Variants in THOP1 observed in about 807,000 individuals in gnomAD.
THOP1 encodes thimet oligopeptidase 1.
In THOP1, 49 loss-of-function variants were observed where a neutral mutation model predicts 71.8. That is an observed-to-expected ratio of 0.68 (90% CI 0.54 to 0.87). The LOEUF (loss-of-function observed/expected upper bound fraction) is 0.87, where lower values mean the gene tolerates loss of function less well. Among genes scored for constraint, THOP1 ranks in the 40% least tolerant of loss-of-function variants. The probability of loss-of-function intolerance (pLI) is 0.00; values close to 1 mark genes in which losing one functional copy is unlikely to be tolerated. For missense variants in THOP1, 843 were observed against 975.6 expected, an observed-to-expected ratio of 0.86 and a Z score of 1.81; for synonymous variants, 426 against 421.5, an observed-to-expected ratio of 1.01 and a Z score of -0.13.
chr19:2,799,428 G>A (rs1220652740), intron 4 of THOP1, among the ~76,000 whole-genome samples: 2 of 152,338 alleles, frequency 1.3e-5, no homozygotes, highest in East Asian at 3.9e-4. Flanking sequence ...ACAGACCGGA[G>A]CACATCCCTG....
intron 1 of THOP1, among the ~76,000 whole-genome samples, chr19:2,789,622 C>A (rs2144756767): frequency 6.6e-6 from 1 of 152,326 alleles, no homozygotes; most frequent in Admixed American, 6.5e-5. Flanking sequence ...CCCCCCGATA[C>A]CTCACCTTTC....
In THOP1 at chr19:2,808,458, CGGGCAG is replaced by C. The variant is rs369163630; in HGVS notation, c.1455+43_1455+48del. 0.022 allele frequency: 34,049 copies of C among 1,576,794 alleles called. 1,715 individuals are homozygous for C. Among genetic ancestry groups the C allele is most frequent in the East Asian group, 0.15 (6,599 of 42,886 alleles). On this transcript the variant is annotated intron_variant, in intron 9 of 12. Coordinates refer to ENST00000307741, the MANE Select transcript of THOP1 (RefSeq NM_003249.5). ...CTCTGCTCCCAGGTGGGTGCGGGCC[CGGGCAG>C]GGGCAGGGGCAGGGGCAGGGGCAGG...
At chr19:2,788,807 C>T (rs1915809314) in intron 1 of THOP1, among the ~76,000 whole-genome samples, 1 of 152,096 alleles carries the variant, frequency 6.6e-6, no homozygotes, top group Non-Finnish European at 1.5e-5. Context: ...GTCGCCTAGG[C>T]TAGAGTGCAG....
chr19:2,792,019 C>T (rs1208951658), intron 2 of THOP1, among the ~76,000 whole-genome samples: 1 of 152,230 alleles, frequency 6.6e-6, no homozygotes, highest in African/African-American at 2.4e-5. Flanking sequence ...TCTCTGATCA[C>T]AGATTAAGTC....
Position 2,794,808 on chromosome 19 carries a change from A to G in THOP1, c.274A>G (p.Lys92Glu). Residue 92 changes from lysine to glutamate, a missense_variant, in exon 3 of 13, where the codon AAG (lysine) becomes GAG (glutamate). Lys to Glu is a moderately conservative substitution (Grantham distance 56, BLOSUM62 1). Coordinates refer to ENST00000307741, the MANE Select transcript of THOP1 (RefSeq NM_003249.5). ...CTTCCCCCAGCATGTTTCCCCCTCCAAGGACATCCGGACAGCCAGCACAGA... is the reference window on the plus strand; with the variant it reads ...CTTCCCCCAGCATGTTTCCCCCTCCGAGGACATCCGGACAGCCAGCACAGA... Reference protein sequence around the residue: ...LDFPQHVSPSKDIRTASTEAD... With the variant: ...LDFPQHVSPSEDIRTASTEAD... 6.2e-7 allele frequency: 1 copy of G among 1,613,814 alleles called. No individual in the cohort carries two copies. The highest frequency in any genetic ancestry group is 8.5e-7 in the Non-Finnish European group (1 of 1,179,880).
In THOP1 at chr19:2,807,859, C is replaced by T. The variant is rs537752549; in HGVS notation, c.1253+51C>T. Reference sequence around the variant, plus strand: ...GGCGCACCCCGGCCCTGGGTCTCCTCGGAGCCCGGTGTGCCCGTCTGAGAT... The same window carrying T: ...GGCGCACCCCGGCCCTGGGTCTCCTTGGAGCCCGGTGTGCCCGTCTGAGAT... On this transcript the variant is annotated intron_variant, in intron 8 of 12. Coordinates refer to ENST00000307741, the MANE Select transcript of THOP1 (RefSeq NM_003249.5). The T allele has an allele frequency of 4.7e-5, 67 of 1,420,654 alleles. 1 individual carries two copies. The highest frequency in any genetic ancestry group is 3.9e-4 in the South Asian group (26 of 66,612). The allele number at this position is 1,420,654 out of a possible 1,614,324, so 88.0% of individuals were successfully genotyped here.
Position 2,790,439 on chromosome 19 carries a change from C to T in THOP1, c.35C>T (p.Ala12Val), listed in dbSNP as rs201171031. Residue 12 changes from alanine (A) to valine (V), a missense_variant, in exon 2 of 13, where the codon GCG (alanine) becomes GTG (valine). By Grantham distance (64) the Ala-to-Val change is moderately conservative (BLOSUM62 0). Transcript: ENST00000307741. ...TGCGTAGCCTGTGCAGGAGACATGGCGGACGCAGCATCTCCGTGCTCTGTG... is the reference window on the plus strand; with the variant it reads ...TGCGTAGCCTGTGCAGGAGACATGGTGGACGCAGCATCTCCGTGCTCTGTG... Reference protein sequence around the residue: ...KPPAACAGDMADAASPCSVVN... With the variant: ...KPPAACAGDMVDAASPCSVVN... 8.1e-5 allele frequency: 126 copies of T among 1,564,350 alleles called. 1 individual carries two copies. The Admixed American group carries it at 9.7e-4, about 12-fold the overall frequency.
Position 2,810,769 on chromosome 19 carries a change from G to A in THOP1, c.1771+1G>A. On this transcript the variant is annotated splice_donor_variant, in intron 11 of 12. Coordinates refer to ENST00000307741, the MANE Select transcript of THOP1 (RefSeq NM_003249.5). LOFTEE classifies it high-confidence loss of function. The stretch of plus-strand genomic sequence containing the variant: ...ATCCTCGGGGTCCCGGCCACGCCAG[G>A]TAGCCACCCTTGAGCCGGGCACACC... 1.9e-6 allele frequency: 3 copies of A among 1,602,584 alleles called. No homozygotes were observed. In the South Asian group the frequency reaches 3.3e-5, roughly 18 times the overall value.
rs768556419 is a variant in THOP1 at position 2,813,244 on chromosome 19, G to A, written c.2038G>A (p.Gly680Arg). ...AFLLSKGLQV[G>R]GCEPEPQVC The stretch of plus-strand genomic sequence containing the variant: ...CCTCCTGAGCAAGGGGCTGCAGGTC[G>A]GGGGCTGCGAGCCCGAGCCGCAGGT... Residue 680 changes from glycine (G) to arginine (R), a missense_variant, in exon 13 of 13, where the codon GGG becomes AGG. By Grantham distance (125) the Gly-to-Arg change is moderately radical. Transcript: ENST00000307741. 18 of 1,610,836 alleles carry A rather than the reference G, an allele frequency of 1.1e-5. No individual in the cohort carries two copies. The African/African-American group carries it at 1.3e-4, about 12-fold the overall frequency.
chr19:2,813,351 G>T lies in THOP1; in HGVS notation c.*75G>T. On this transcript the variant is annotated 3_prime_UTR_variant, in exon 13 of 13. Coordinates refer to ENST00000307741, the MANE Select transcript of THOP1 (RefSeq NM_003249.5). The stretch of plus-strand genomic sequence containing the variant: ...TGCCTTAGCCCCCGGCACAGGATGG[G>T]GCAGGCTCTGGCACAGTGCCTGGGA... 1 of 1,462,230 alleles carries T rather than the reference G, an allele frequency of 6.8e-7. No individual in the cohort carries two copies. The highest frequency in any genetic ancestry group is 2.3e-5 in the Admixed American group (1 of 44,418). 90.6% of individuals were successfully genotyped at this position (1,462,230 alleles called of 1,614,324 possible). A position where few individuals can be genotyped will look rare whatever the true frequency, so the allele number is the denominator to read the frequency against.
rs142445812 is a variant in THOP1 at position 2,806,479 on chromosome 19, G to A, written c.751-438G>A. The A allele has an allele frequency of 2.3e-4, 50 of 214,670 alleles. No homozygotes were observed. In the Middle Eastern group the frequency reaches 8.3e-3, roughly 35 times the overall value. The allele number at this position is 214,670 out of a possible 1,614,324, so 13.3% of individuals were successfully genotyped here. On this transcript the variant is annotated intron_variant, in intron 6 of 12. Coordinates refer to ENST00000307741, the MANE Select transcript of THOP1 (RefSeq NM_003249.5). ...TTTCTCCTCGTAAACGCCTCACGTG[G>A]CTTTCATGCGTCCTCCCCCACCCCC...
chr19:2,793,863 G>A (rs983878403), intron 2 of THOP1, among the ~76,000 whole-genome samples: 1 of 152,138 alleles, frequency 6.6e-6, no homozygotes, highest in Non-Finnish European at 1.5e-5. Flanking sequence ...CCATTCACTC[G>A]TGGATGGACC....
chr19:2,788,090 A>G (rs1248452110), intron 1 of THOP1, among the ~76,000 whole-genome samples: 2 of 152,222 alleles, frequency 1.3e-5, no homozygotes, highest in African/African-American at 2.4e-5. Context: ...ATGGTCTGTA[A>G]TAACAGCTAC....
chr19:2,814,012 C>T lies in THOP1; in HGVS notation c.*736C>T, dbSNP rs1254483178. Reference sequence around the variant, plus strand: ...GGAAGGCCGGGCTCACTCCAGCTTCCTAGGCAGAGTCTCTGGGGGTTCCTG... The same window carrying T: ...GGAAGGCCGGGCTCACTCCAGCTTCTTAGGCAGAGTCTCTGGGGGTTCCTG... On this transcript the variant is annotated 3_prime_UTR_variant, in exon 13 of 13. Transcript: ENST00000307741. The T allele has an allele frequency of 1.3e-5, 2 of 152,326 alleles. No individual in the cohort carries two copies. Among genetic ancestry groups the T allele is most frequent in the African/African-American group, 4.8e-5 (2 of 41,454 alleles). 9.4% of individuals were successfully genotyped at this position (152,326 alleles called of 1,614,324 possible).
intron 1 of THOP1, 107 bp from the exon 2 acceptor site, chr19:2,790,314 T>G (rs1915844909): frequency 1.8e-6 from 2 of 1,107,628 alleles, no homozygotes; most frequent in Non-Finnish European, 2.5e-6. Flanking sequence ...ACCTCACTCT[T>G]CTGGATGAGA....
In THOP1 at chr19:2,796,139, T is replaced by G. The variant is rs770807854; in HGVS notation, c.437T>G (p.Ile146Ser). The G allele has an allele frequency of 6.2e-7, 1 of 1,613,776 alleles. No individual in the cohort carries two copies. The highest frequency in any genetic ancestry group is 2.2e-5 in the East Asian group (1 of 44,878). Residue 146 changes from isoleucine (I) to serine (S), a missense_variant, in exon 4 of 13, where the codon ATC becomes AGC. By Grantham distance (142) the Ile-to-Ser change is moderately radical. Coordinates refer to ENST00000307741, the MANE Select transcript of THOP1 (RefSeq NM_003249.5). ...PEAARYLERL[I>S]KLGRRNGLHL... ...GCTGCGCGGTACCTGGAGCGGCTAATCAAGCTGGGCCGGAGAAATGGGCTT... is the reference window on the plus strand; with the variant it reads ...GCTGCGCGGTACCTGGAGCGGCTAAGCAAGCTGGGCCGGAGAAATGGGCTT...
chr19:2,812,186 C>T (rs1440730505), intron 12 of THOP1: 15 of 1,496,764 alleles, frequency 1.0e-5, no homozygotes, highest in Middle Eastern at 1.7e-4. Flanking sequence ...TCATTTGCTC[C>T]TCCAACCTCC....
At chr19:2,794,937 A>G (rs1915977999) in intron 3 of THOP1, 25 bp downstream of exon 3, 1 of 1,591,994 alleles carries the variant, frequency 6.3e-7, no homozygotes, top group Non-Finnish European at 8.6e-7. Flanking sequence ...CGGGGAGTGC[A>G]AATAGCCTCC....
At position 2,804,986 on chromosome 19, in the gene THOP1, G is replaced by A; in HGVS notation, c.590-30G>A. Reference sequence around the variant, plus strand: ...TGCAGGCTGTGGGCCCATCAGTCCTGTCAAAGCCACCCTGGTTCTGTCCCC... The same window carrying A: ...TGCAGGCTGTGGGCCCATCAGTCCTATCAAAGCCACCCTGGTTCTGTCCCC... On this transcript the variant is annotated intron_variant, in intron 5 of 12. Transcript: ENST00000307741. The surrounding 1 kb of genome is among the most constrained non-coding windows in gnomAD (Gnocchi z 4.7). 1.9e-6 allele frequency: 3 copies of A among 1,599,854 alleles called. No homozygotes were observed. Among genetic ancestry groups the A allele is most frequent in the Non-Finnish European group, 2.6e-6 (3 of 1,173,116 alleles).
Sources: gnomAD v4.1 joint callset for allele counts (sites outside exome capture counted in the v4.1 genomes callset) on GRCh38, gnomAD v4.1.1 for gene constraint, Gnocchi (gnomAD v3.1) non-coding constraint, MANE v1.5 for transcripts, NCBI Gene and HGNC (gene_info 2026-07-23, HGNC 2026-07-21) for gene names.